Variants in DOT1L observed in about 807,000 individuals in gnomAD.
The protein encoded by DOT1L is DOT1 like histone lysine methyltransferase.
In DOT1L, 33 loss-of-function variants were observed where a neutral mutation model predicts 153.3. The ratio of observed to expected loss-of-function variants is 0.22; its 90% CI spans 0.16 to 0.29. The LOEUF is 0.29. DOT1L is among the 10% of genes least tolerant of loss of function. DOT1L has a pLI of 1.00. For synonymous variants in DOT1L, 1,135 were observed against 965.1 expected (o/e 1.18, Z -3.26); for missense variants, 1,847 against 2,119.9 (o/e 0.87, Z 2.53).
intron 27 of DOT1L, chr19:2,227,842 A>G: frequency 7.8e-7 from 1 of 1,289,716 alleles, no homozygotes; most frequent in Non-Finnish European, 1.0e-6. Flanking sequence ...AGCCCGCTGC[A>G]GGCGGCGGCC....
At position 2,191,781 on chromosome 19, in the gene DOT1L, C is replaced by G. The variant is rs867877764; in HGVS notation, c.493+541C>G. Among the ~76,000 whole-genome samples the G allele has an allele frequency of 3.5e-4, 54 of 152,140 alleles. No individual in the cohort carries two copies. Among genetic ancestry groups the G allele is most frequent in the South Asian group, 2.1e-4 (1 of 4,826 alleles). On this transcript the variant is annotated intron_variant, in intron 5 of 27. Transcript: ENST00000398665. The surrounding 1 kb of genome is among the most constrained non-coding windows in gnomAD (Gnocchi z 6.8). ...GCGTCTGGGCCGTGCCCTGCCCCTC[C>G]CAGGTTGGGGCTCCCACCTGCTGGC... is the stretch of plus-strand genomic sequence containing the variant.
At chr19:2,167,449 G>A (rs1252455383) in intron 1 of DOT1L, among the ~76,000 whole-genome samples, 1 of 152,314 alleles carries the variant, frequency 6.6e-6, no homozygotes, top group African/African-American at 2.4e-5. Flanking sequence ...AAATAGTAAG[G>A]GCGAGAGCTG....
At position 2,226,258 on chromosome 19, in the gene DOT1L, C is replaced by T; in HGVS notation, c.3737C>T (p.Ser1246Leu). 6 of 1,582,198 alleles carry T rather than the reference C, an allele frequency of 3.8e-6. No individual in the cohort carries two copies. Among genetic ancestry groups the T allele is most frequent in the Non-Finnish European group, 5.2e-6 (6 of 1,162,894 alleles). Reference protein sequence around the residue: ...VNSSKWKSTFSPISDIGLAKS... With the variant: ...VNSSKWKSTFLPISDIGLAKS... ...AGCAGCAAGTGGAAGTCCACCTTCT[C>T]GCCCATCTCCGACATCGGCCTGGCC... The change falls in exon 27 of 28, where the codon TCG becomes TTG. Residue 1246 changes from serine to leucine, a missense_variant. Physicochemically the swap from Ser to Leu is moderately radical, Grantham distance 145. Coordinates refer to ENST00000398665, the MANE Select transcript of DOT1L (RefSeq NM_032482.3).
At chr19:2,167,251 C>T (rs910422602) in intron 1 of DOT1L, among the ~76,000 whole-genome samples, 30 of 152,236 alleles carry the variant, frequency 2.0e-4, no homozygotes, top group Middle Eastern at 3.2e-3. Flanking sequence ...TGTTTAACAT[C>T]TGCATCCCAA....
At chr19:2,199,994 G>C (rs1474327367) in intron 8 of DOT1L, 55 bp downstream of exon 8, 2 of 1,597,230 alleles carry the variant, frequency 1.3e-6, no homozygotes, top group African/African-American at 2.7e-5. Flanking sequence ...ACAGGCGGGC[G>C]GTGGCCATGG....
intron 1 of DOT1L, among the ~76,000 whole-genome samples, chr19:2,170,845 G>A (rs2144657393): frequency 6.6e-6 from 1 of 152,210 alleles, no homozygotes; most frequent in East Asian, 1.9e-4. Context: ...TGGGGGAAGG[G>A]CCCACTCCCT....
Position 2,225,344 on chromosome 19 carries a change from A to G in DOT1L, c.3597-44A>G, listed in dbSNP as rs752061154. The G allele has an allele frequency of 7.0e-6, 11 of 1,564,800 alleles. No homozygotes were observed. In the African/African-American group the frequency reaches 1.5e-4, roughly 21 times the overall value. On this transcript the variant is annotated intron_variant, in intron 25 of 27. Coordinates refer to ENST00000398665, the MANE Select transcript of DOT1L (RefSeq NM_032482.3). ...TGTCAGCATTTGTGTCATTCTTAGT[A>G]TGCAGCTGGGTTTCAAGCATTAATG...
intron 22 of DOT1L, among the ~76,000 whole-genome samples, chr19:2,219,700 G>T (rs1223726821): frequency 6.6e-6 from 1 of 152,196 alleles, no homozygotes; most frequent in Non-Finnish European, 1.5e-5. Flanking sequence ...AGTGCAGTGG[G>T]TGGTGGCCGG....
rs746841594 is a variant in DOT1L at position 2,210,867 on chromosome 19, C to A, written c.1351+12C>A. 4 of 1,610,772 alleles carry A rather than the reference C, an allele frequency of 2.5e-6. No homozygotes were observed. The South Asian group carries it at 4.4e-5, about 18-fold the overall frequency. On this transcript the variant is annotated intron_variant, in intron 14 of 27. Transcript: ENST00000398665. Reference sequence around the variant, plus strand: ...CTCCTCACCCCAGGGTGAGCCGCCCCCACGCCACGGCCCCCGCTCTCCCCG... The same window carrying A: ...CTCCTCACCCCAGGGTGAGCCGCCCACACGCCACGGCCCCCGCTCTCCCCG...
chr19:2,187,539 C>T (rs1568337306), intron 3 of DOT1L, among the ~76,000 whole-genome samples: 1 of 152,194 alleles, frequency 6.6e-6, no homozygotes, highest in Non-Finnish European at 1.5e-5. Context: ...TGCATTTGCA[C>T]AGCCTGCCAG....
At position 2,220,804 on chromosome 19, in the gene DOT1L, G is replaced by T. The variant is rs553987783; in HGVS notation, c.2806+582G>T. ...CAAAACTGTACTTAAAACAGCAGAG[G>T]ACATGAGACCCCCAGGCTGGTTTGC... On this transcript the variant is annotated intron_variant, in intron 23 of 27. Transcript: ENST00000398665. The surrounding 1 kb of genome is among the most constrained non-coding windows in gnomAD (Gnocchi z 4.5). The T allele has an allele frequency of 5.2e-5, 17 of 328,852 alleles. No homozygotes were observed. Among genetic ancestry groups the T allele is most frequent in the African/African-American group, 2.4e-4 (11 of 46,468 alleles). The allele number at this position is 328,852 out of a possible 1,614,324, so 20.4% of individuals were successfully genotyped here. A position where few individuals can be genotyped will look rare whatever the true frequency, so the allele number is the denominator to read the frequency against.
intron 1 of DOT1L, among the ~76,000 whole-genome samples, chr19:2,170,589 G>A (rs558962052): frequency 2.6e-4 from 39 of 152,078 alleles, no homozygotes; most frequent in Non-Finnish European, 4.3e-4. Context: ...GATCCCACGG[G>A]GTAAGGGCTC....
In DOT1L at chr19:2,208,421, G is replaced by A. The variant is rs963245635; in HGVS notation, c.964-514G>A. ...GGAGCGCTGGTGCCGTCTGGGGACC[G>A]ACAGCCCCAGGCAGATGCACCCCGC... On this transcript the variant is annotated intron_variant, in intron 11 of 27. Coordinates refer to ENST00000398665, the MANE Select transcript of DOT1L (RefSeq NM_032482.3). This position sits in a 1 kb window ranked among gnomAD's most constrained non-coding sequence, Gnocchi z 4.4. Among the ~76,000 whole-genome samples the A allele has an allele frequency of 3.3e-5, 5 of 151,974 alleles. No individual in the cohort carries two copies. Among genetic ancestry groups the A allele is most frequent in the African/African-American group, 9.7e-5 (4 of 41,360 alleles).
rs1330431579 is a variant in DOT1L, at chr19:2,226,470, A to C, written c.3949A>C (p.Thr1317Pro). The change falls in exon 27 of 28, where the codon ACC (threonine) becomes CCC (proline). Residue 1317 changes from threonine (T) to proline (P), a missense_variant. Thr to Pro is a conservative substitution (Grantham distance 38). Coordinates refer to ENST00000398665, the MANE Select transcript of DOT1L (RefSeq NM_032482.3). ...SPGTNPANGC[T>P]FGGGLAADLS... ...GGGCACCAACCCTGCCAACGGCTGC[A>C]CCTTCGGCGGGGGCCTGGCCGCGGA... 5 of 1,601,684 alleles carry C rather than the reference A, an allele frequency of 3.1e-6. No individual in the cohort carries two copies. The highest frequency in any genetic ancestry group is 4.5e-5 in the East Asian group (2 of 44,854).
intron 1 of DOT1L, among the ~76,000 whole-genome samples, chr19:2,170,220 T>C (rs911276253): frequency 1.3e-4 from 20 of 152,164 alleles, no homozygotes; most frequent in Admixed American, 9.8e-4. Flanking sequence ...ACTCTTGGTG[T>C]TACAGATTCC....
At chr19:2,182,888 A>G (rs2022308495) in intron 2 of DOT1L, among the ~76,000 whole-genome samples, 1 of 152,100 alleles carries the variant, frequency 6.6e-6, no homozygotes, top group Admixed American at 6.5e-5. Context: ...TGGGGAGCGC[A>G]TCTGGAGTCT....
intron 1 of DOT1L, among the ~76,000 whole-genome samples, chr19:2,168,783 T>G (rs1035730443): frequency 4.6e-5 from 7 of 152,110 alleles, no homozygotes; most frequent in African/African-American, 1.7e-4. Context: ...CCCAGCTAAT[T>G]TTTTGTATTT....
chr19:2,225,576 CGTGTCCTGCGTG>C, intron 26 of DOT1L, 124 bp downstream of exon 26: 2 of 1,060,036 alleles, frequency 1.9e-6, no homozygotes, highest in Non-Finnish European at 2.9e-6. Flanking sequence ...CCCGCTGCGT[CGTGTCCTGCGTG>C]GTGCTGGCCT....
intron 27 of DOT1L, chr19:2,228,574 G>C: frequency 1.0e-6 from 1 of 985,412 alleles, no homozygotes; most frequent in Non-Finnish European, 1.2e-6. Context: ...GGAGTGGCCT[G>C]AGTGTGTTGG....
Sources: allele counts gnomAD v4.1 joint callset (sites outside exome capture counted in the v4.1 genomes callset), GRCh38; gene constraint gnomAD v4.1.1; non-coding constraint Gnocchi (gnomAD v3.1); transcripts MANE v1.5; gene names NCBI Gene and HGNC (gene_info 2026-07-23, HGNC 2026-07-21).